The following SPEN variants were observed in gnomAD, a reference collection of about 807,000 sequenced individuals.
SPEN encodes spen family transcriptional repressor, also known as msx2-interacting protein.
SPEN carries 18 observed loss-of-function variants against 269.9 expected under a neutral mutation model. The ratio of observed to expected loss-of-function variants is 0.07; its 90% CI spans 0.05 to 0.10. The LOEUF is 0.10. SPEN is among the 10% of genes least tolerant of loss of function. The probability of loss-of-function intolerance (pLI) is 1.00; values close to 1 mark genes in which losing one functional copy is unlikely to be tolerated. For synonymous variants in SPEN, 1,726 were observed against 1,765.7 expected (o/e 0.98, Z 0.56); for missense variants, 3,822 against 4,631.2 (o/e 0.83, Z 5.07).
chr1:15,882,678 T>C (rs2070697892), intron 3 of SPEN, among the ~76,000 whole-genome samples: 1 of 152,090 alleles, frequency 6.6e-6, no homozygotes, highest in African/African-American at 2.4e-5. Flanking sequence ...AAAATTCTTA[T>C]TTGCCATGAG....
rs1487642285 is a variant in SPEN, at chr1:15,940,247, T to C, written c.*820T>C. On this transcript the variant is annotated 3_prime_UTR_variant, in exon 15 of 15. Transcript: ENST00000375759. ...TGTATTGCCCACTCATTTGTATAAG[T>C]GCGCTTCGGTACAGCACGGGTCCTG... 3 of 233,088 alleles carry C rather than the reference T, an allele frequency of 1.3e-5. No homozygotes were observed. In the East Asian group the frequency reaches 1.8e-4, roughly 14 times the overall value. The allele number at this position is 233,088 out of a possible 1,614,324, so 14.4% of individuals were successfully genotyped here.
In SPEN at chr1:15,931,035, G is replaced by GAAA. The variant is rs758294054; in HGVS notation, c.4798_4800dup (p.Lys1600dup). ...CACACGGATGCAACAGAAAGAAAAA[G>GAAA]AAAAAGACCAGAAACCCAAAGAGGT... On this transcript the variant is annotated inframe_insertion, in exon 11 of 15. Coordinates refer to ENST00000375759, the MANE Select transcript of SPEN (RefSeq NM_015001.3). The surrounding 1 kb of genome is among the most constrained non-coding windows in gnomAD (Gnocchi z 4.8). The GAAA allele has an allele frequency of 8.1e-6, 13 of 1,613,200 alleles. No individual in the cohort carries two copies. Among genetic ancestry groups the GAAA allele is most frequent in the Admixed American group, 1.7e-5 (1 of 59,778 alleles).
chr1:15,871,473 T>C (rs532132646), intron 1 of SPEN, among the ~76,000 whole-genome samples: 4 of 152,098 alleles, frequency 2.6e-5, no homozygotes, highest in Non-Finnish European at 5.9e-5. Context: ...CCCAAGTAGC[T>C]GGGATTACAG....
intron 3 of SPEN, 30 bp downstream of exon 3, chr1:15,876,708 T>A (rs778425542): frequency 3.3e-6 from 5 of 1,507,828 alleles, no homozygotes; most frequent in Admixed American, 1.8e-5. Flanking sequence ...TTATAACAGA[T>A]GAGCTAGCTT....
chr1:15,887,102 A>G (rs981692975), intron 3 of SPEN, among the ~76,000 whole-genome samples: 2 of 151,434 alleles, frequency 1.3e-5, no homozygotes, highest in East Asian at 1.9e-4. Context: ...GAGCCTCCCA[A>G]GTAGCTGGGA....
At position 15,933,962 on chromosome 1, in the gene SPEN, G is replaced by C; in HGVS notation, c.7722G>C (p.Pro2574=). Residue 2574 remains proline, a synonymous_variant, in exon 11 of 15, where the codon CCG becomes CCC. Coordinates refer to ENST00000375759, the MANE Select transcript of SPEN (RefSeq NM_015001.3). The surrounding 1 kb of genome is among the most constrained non-coding windows in gnomAD (Gnocchi z 5.7). The part of the protein sequence containing the change: ...AAPCLHEAPP[P]PVDSKKPLEE... ...CTTGCCTACATGAGGCCCCGCCCCC[G>C]CCAGTTGACTCTAAAAAGCCTTTAG... is the stretch of plus-strand genomic sequence containing the variant. 1 of 1,613,706 alleles carries C rather than the reference G, an allele frequency of 6.2e-7. No homozygotes were observed. Among genetic ancestry groups the C allele is most frequent in the Admixed American group, 1.7e-5 (1 of 59,982 alleles).
intron 1 of SPEN, among the ~76,000 whole-genome samples, chr1:15,860,592 A>C (rs1480037748): frequency 1.3e-5 from 2 of 149,842 alleles, no homozygotes; most frequent in Non-Finnish European, 3.0e-5. Context: ...CAGGTGTGTG[A>C]GTCTGGCTAT....
At position 15,873,820 on chromosome 1, in the gene SPEN, C is replaced by A. The variant is rs1176485294; in HGVS notation, c.404+684C>A. 1.1e-5 allele frequency: 11 copies of A among 1,033,038 alleles called. 1 individual carries two copies. Among genetic ancestry groups the A allele is most frequent in the Non-Finnish European group, 9.3e-6 (8 of 857,418 alleles). 64.0% of individuals were successfully genotyped at this position (1,033,038 alleles called of 1,614,324 possible). On this transcript the variant is annotated intron_variant, in intron 2 of 14. Transcript: ENST00000375759. ...TGTTTCCTAAATCCTGGAATATAGC[C>A]ATTCTTTTCTAATTGCTGGGATATA...
intron 3 of SPEN, among the ~76,000 whole-genome samples, chr1:15,891,775 C>T (rs187163121): frequency 7.9e-5 from 12 of 152,060 alleles, no homozygotes; most frequent in Admixed American, 1.3e-4. Context: ...CATGCATGAG[C>T]CGCTGTACCT....
At chr1:15,858,252 C>CA (rs34220792) in intron 1 of SPEN, among the ~76,000 whole-genome samples, 121,461 of 146,458 alleles carry the variant, frequency 0.83, 50,441 homozygotes, top group Middle Eastern at 0.9. Context: ...CTGGGCCCAG[C>CA]AAAAAAAAAA....
At chr1:15,854,435 C>T (rs1429083516) in intron 1 of SPEN, among the ~76,000 whole-genome samples, 2 of 152,054 alleles carry the variant, frequency 1.3e-5, no homozygotes, top group Non-Finnish European at 2.9e-5. Flanking sequence ...ATAGTGTACT[C>T]CTCTGTGGAA....
At chr1:15,938,986 A>G (rs2071308667) in intron 14 of SPEN, 110 bp downstream of exon 14, 1 of 1,402,118 alleles carries the variant, frequency 7.1e-7, no homozygotes, top group Admixed American at 2.1e-5. Context: ...GAGGTGGGCA[A>G]AGGGGCATTT....
chr1:15,877,602 A>G (rs570588096), intron 3 of SPEN, among the ~76,000 whole-genome samples: 1 of 152,242 alleles, frequency 6.6e-6, no homozygotes, highest in South Asian at 2.1e-4. Context: ...TAGTAAGTTG[A>G]GGGTAATCTT....
intron 3 of SPEN, 46 bp downstream of exon 3, chr1:15,876,724 A>C (rs781591703): frequency 7.2e-7 from 1 of 1,387,252 alleles, no homozygotes; most frequent in Non-Finnish European, 1.0e-6. Flanking sequence ...AGCTTTAAAC[A>C]AATTCTCAAC....
chr1:15,922,599 T>G (rs2071129800), intron 10 of SPEN, among the ~76,000 whole-genome samples: 1 of 151,962 alleles, frequency 6.6e-6, no homozygotes, highest in African/African-American at 2.4e-5. Context: ...CTTGAAAGAG[T>G]TACTGTTTTG....
At position 15,937,507 on chromosome 1, in the gene SPEN, G is replaced by T. The variant is rs1042836675; in HGVS notation, c.10371G>T (p.Leu3457Phe). The change falls in exon 12 of 15, where the codon TTG (leucine) becomes TTT (phenylalanine). Residue 3457 changes from leucine (L) to phenylalanine (F), a missense_variant. This residue lies in a region of SPEN where 359 missense variants were observed against 377.3 expected (regional missense o/e 0.95). Transcript: ENST00000375759. The surrounding 1 kb of genome is among the most constrained non-coding windows in gnomAD (Gnocchi z 5.7). ...CTCAGACTGCCCCAAAACAGCCGTT[G>T]TTTGTCCCAACAACCTCTGGCCCCA... ...LPTQTAPKQP[L>F]FVPTTSGPST... is the part of the protein sequence containing the mutation. The T allele has an allele frequency of 6.2e-7, 1 of 1,614,022 alleles. No homozygotes were observed. Among genetic ancestry groups the T allele is most frequent in the Non-Finnish European group, 8.5e-7 (1 of 1,180,022 alleles).
intron 1 of SPEN, among the ~76,000 whole-genome samples, chr1:15,857,587 C>A (rs997710597): frequency 6.6e-6 from 1 of 150,496 alleles, no homozygotes; most frequent in East Asian, 2.0e-4. Context: ...GAACTCCTGA[C>A]CTCAAGTGAT....
intron 1 of SPEN, among the ~76,000 whole-genome samples, chr1:15,860,148 T>G (rs2070430194): frequency 6.6e-6 from 1 of 151,800 alleles, no homozygotes; most frequent in South Asian, 2.1e-4. Flanking sequence ...CCTGACCTCG[T>G]GATCCGCCCG....
Position 15,928,941 on chromosome 1 carries a change from G to A in SPEN, c.2701G>A (p.Ala901Thr), listed in dbSNP as rs2071194837. The A allele has an allele frequency of 6.2e-7, 1 of 1,614,240 alleles. No individual in the cohort carries two copies. Among genetic ancestry groups the A allele is most frequent in the Non-Finnish European group, 8.5e-7 (1 of 1,180,054 alleles). Residue 901 changes from alanine (A) to threonine (T), a missense_variant, in exon 11 of 15, where the codon GCC becomes ACC. Coordinates refer to ENST00000375759, the MANE Select transcript of SPEN (RefSeq NM_015001.3). This position sits in a 1 kb window ranked among gnomAD's most constrained non-coding sequence, Gnocchi z 5.7. Reference sequence around the variant, plus strand: ...CCACACTCCTGTGGAAAAGTTGAAAGCCAAGCTTGATAATGACACTGTCAA... The same window carrying A: ...CCACACTCCTGTGGAAAAGTTGAAAACCAAGCTTGATAATGACACTGTCAA... ...IDHTPVEKLK[A>T]KLDNDTVKSS...
Sources: gnomAD v4.1 joint callset for allele counts (sites outside exome capture counted in the v4.1 genomes callset) on GRCh38, gnomAD v4.1.1 for gene constraint, gnomAD v4.1.1 regional missense constraint, Gnocchi (gnomAD v3.1) non-coding constraint, MANE v1.5 for transcripts, NCBI Gene and HGNC (gene_info 2026-07-23, HGNC 2026-07-21) for gene names.